Variants in SLC16A9 observed in about 807,000 individuals in gnomAD.
SLC16A9 encodes the protein monocarboxylate transporter 9.
SLC16A9 carries 26 observed loss-of-function variants against 44.3 expected under a neutral mutation model. The ratio of observed to expected loss-of-function variants is 0.59; its 90% CI spans 0.43 to 0.81. SLC16A9 has a LOEUF of 0.81. SLC16A9 is among the 40% of genes least tolerant of loss of function. The pLI is 0.00. For synonymous variants in SLC16A9, 230 were observed against 225.1 expected (o/e 1.02, Z -0.19); for missense variants, 559 against 595.8 (o/e 0.94, Z 0.64).
At chr10:59,657,646 G>T (rs1406840361) in intron 4 of SLC16A9, among the ~76,000 whole-genome samples, 3 of 152,142 alleles carry the variant, frequency 2.0e-5, no homozygotes, top group African/African-American at 7.2e-5. Context: ...AAGATCATCT[G>T]TCACAGCATG....
chr10:59,690,518 C>A (rs1436162193), intron 1 of SLC16A9, among the ~76,000 whole-genome samples: 2 of 152,060 alleles, frequency 1.3e-5, no homozygotes, highest in Non-Finnish European at 2.9e-5. Context: ...TTGTGAAGAA[C>A]AATGAAGGGA....
intron 2 of SLC16A9, among the ~76,000 whole-genome samples, chr10:59,683,718 G>A (rs1840071447): frequency 6.6e-6 from 1 of 152,108 alleles, no homozygotes; most frequent in African/African-American, 2.4e-5. Flanking sequence ...GAGCATACCT[G>A]GATCACTACC....
chr10:59,652,828 G>C lies in SLC16A9; in HGVS notation c.1474C>G (p.Gln492Glu). The C allele has an allele frequency of 6.2e-7, 1 of 1,613,906 alleles. No homozygotes were observed. The highest frequency in any genetic ancestry group is 1.7e-5 in the Admixed American group (1 of 59,992). ...ALPSWDTCNK[Q>E]LPKPAPTTFL... ...GTTGTTGGAGCTGGCTTGGGGAGTT[G>C]CTTGTTGCATGTATCCCAAGAGGGC... Residue 492 changes from glutamine to glutamate, a missense_variant, in exon 6 of 6, where the codon CAA becomes GAA. Gln to Glu is a conservative substitution (Grantham distance 29). Transcript: ENST00000395348.
chr10:59,693,685 T>C (rs1840302863), intron 1 of SLC16A9, among the ~76,000 whole-genome samples: 1 of 152,038 alleles, frequency 6.6e-6, no homozygotes, highest in African/African-American at 2.4e-5. Context: ...AGTGGCGTGA[T>C]CTCGGCTCAC....
intron 1 of SLC16A9, among the ~76,000 whole-genome samples, chr10:59,693,494 ATT>A: frequency 6.6e-6 from 1 of 152,198 alleles, no homozygotes; most frequent in Non-Finnish European, 1.5e-5. Flanking sequence ...GTAAAATCAT[ATT>A]GAGTCATCTT....
chr10:59,698,686 T>C lies in SLC16A9; in HGVS notation c.-37+10793A>G, dbSNP rs552605256. Among the ~76,000 whole-genome samples the C allele has an allele frequency of 2.0e-5, 3 of 151,912 alleles. No homozygotes were observed. In the East Asian group the frequency reaches 5.8e-4, roughly 29 times the overall value. ...TGCCCAGATACTTGCCCCAATTCTT[T>C]GTGTCCAAGCCACACTCAGCTGACA... On this transcript the variant is annotated intron_variant, in intron 1 of 5. Transcript: ENST00000395348.
chr10:59,687,868 G>T (rs1840166890), intron 1 of SLC16A9, among the ~76,000 whole-genome samples: 2 of 151,820 alleles, frequency 1.3e-5, no homozygotes, highest in Admixed American at 1.3e-4. Context: ...GCTGAGGTGG[G>T]AGGATGGCTT....
At chr10:59,699,493 G>A (rs932846214) in intron 1 of SLC16A9, among the ~76,000 whole-genome samples, 1 of 152,096 alleles carries the variant, frequency 6.6e-6, no homozygotes, top group African/African-American at 2.4e-5. Context: ...AGTGTACATC[G>A]CAGCTCTGGT....
At chr10:59,678,768 C>T (rs1476602276) in intron 2 of SLC16A9, among the ~76,000 whole-genome samples, 1 of 149,698 alleles carries the variant, frequency 6.7e-6, no homozygotes, top group Non-Finnish European at 1.5e-5. Context: ...TGGTCTCGAT[C>T]TCCTGACCTC....
intron 1 of SLC16A9, among the ~76,000 whole-genome samples, chr10:59,686,157 C>CCATTGG (rs1292345289): frequency 6.6e-6 from 1 of 152,058 alleles, no homozygotes; most frequent in African/African-American, 2.4e-5. Context: ...CTATTCTGTT[C>CCATTGG]CATTGGTCTG....
intron 1 of SLC16A9, among the ~76,000 whole-genome samples, chr10:59,697,436 C>A (rs1840420168): frequency 6.6e-6 from 1 of 151,690 alleles, no homozygotes; most frequent in South Asian, 2.1e-4. Flanking sequence ...ACCTTACCCC[C>A]AACCCTGTGC....
intron 1 of SLC16A9, among the ~76,000 whole-genome samples, chr10:59,708,057 C>T (rs1328014764): frequency 7.9e-5 from 12 of 152,082 alleles, no homozygotes; most frequent in Admixed American, 7.9e-4. Flanking sequence ...ATTAGGGGGT[C>T]GGTGGTGCTG....
At chr10:59,685,909 T>C (rs1330120347) in intron 1 of SLC16A9, among the ~76,000 whole-genome samples, 1 of 152,152 alleles carries the variant, frequency 6.6e-6, no homozygotes, top group African/African-American at 2.4e-5. Flanking sequence ...GTTGTGAAAC[T>C]TTTGGATTTT....
At chr10:59,684,022 G>A (rs1840076757) in intron 2 of SLC16A9, 74 bp downstream of exon 2, 1 of 1,267,340 alleles carries the variant, frequency 7.9e-7, no homozygotes, top group African/African-American at 1.5e-5. Flanking sequence ...TCTCTGCCTT[G>A]CACAATGTTC....
chr10:59,702,457 G>A (rs767180555), intron 1 of SLC16A9, among the ~76,000 whole-genome samples: 9 of 152,282 alleles, frequency 5.9e-5, no homozygotes, highest in African/African-American at 7.2e-5. Context: ...AGGGCAAATC[G>A]TGGCTCAAAA....
intron 4 of SLC16A9, among the ~76,000 whole-genome samples, chr10:59,663,415 A>G (rs1289132565): frequency 6.6e-6 from 1 of 152,132 alleles, no homozygotes; most frequent in East Asian, 1.9e-4. Flanking sequence ...ACTCCACGGA[A>G]TACTATGCAG....
chr10:59,696,883 G>T (rs1389769895), intron 1 of SLC16A9, among the ~76,000 whole-genome samples: 1 of 150,928 alleles, frequency 6.6e-6, no homozygotes, highest in African/African-American at 2.4e-5. Flanking sequence ...ACCCCGTGTG[G>T]GAAGTGAGGA....
chr10:59,671,787 C>G (rs992165485), intron 3 of SLC16A9, among the ~76,000 whole-genome samples: 3 of 152,206 alleles, frequency 2.0e-5, no homozygotes, highest in African/African-American at 7.2e-5. Flanking sequence ...CTCTAAGTAT[C>G]AAACGAAGTC....
intron 3 of SLC16A9, among the ~76,000 whole-genome samples, chr10:59,669,772 G>C (rs568573869): frequency 6.6e-6 from 1 of 152,136 alleles, no homozygotes; most frequent in African/African-American, 2.4e-5. Context: ...ATGAGGCGGA[G>C]GTTGCAGTGA....
Sources: gnomAD v4.1 joint callset for allele counts (sites outside exome capture counted in the v4.1 genomes callset) on GRCh38, gnomAD v4.1.1 for gene constraint, MANE v1.5 for transcripts, NCBI Gene and HGNC (gene_info 2026-07-23, HGNC 2026-07-21) for gene names.